INPP4B: variants seen among roughly 807,000 people sequenced by gnomAD.
INPP4B encodes inositol polyphosphate-4-phosphatase type II B.
INPP4B carries 55 observed loss-of-function variants against 122.5 expected under a neutral mutation model. The observed-to-expected ratio is 0.45, with a 90% CI of 0.36 to 0.56. The LOEUF is 0.56. Among genes scored for constraint, INPP4B ranks in the 20% least tolerant of loss-of-function variants. The pLI is 0.00. For missense variants in INPP4B, 1,000 were observed against 1,097.7 expected, an observed-to-expected ratio of 0.91 and a Z score of 1.26; for synonymous variants, 403 against 388.7, an observed-to-expected ratio of 1.04 and a Z score of -0.43.
At chr4:142,334,539 C>T (rs544558528) in intron 7 of INPP4B, among the ~76,000 whole-genome samples, 1 of 152,292 alleles carries the variant, frequency 6.6e-6, no homozygotes, top group African/African-American at 2.4e-5. Context: ...TACTGTTTTC[C>T]ATATTGGCTG....
chr4:142,716,138 G>C (rs1343951128), intron 2 of INPP4B, among the ~76,000 whole-genome samples: 1 of 152,176 alleles, frequency 6.6e-6, no homozygotes, highest in Non-Finnish European at 1.5e-5. Context: ...TCAGGTTCAA[G>C]GGAGGGGAAA....
intron 21 of INPP4B, among the ~76,000 whole-genome samples, chr4:142,119,104 T>C (rs1333081663): frequency 6.6e-6 from 1 of 152,144 alleles, no homozygotes; most frequent in Non-Finnish European, 1.5e-5. Flanking sequence ...AGATACCATC[T>C]CAAGCCAGTT....
Position 142,483,792 on chromosome 4 carries a change from C to T in INPP4B, c.-190-21066G>A, listed in dbSNP as rs1303631589. Among the ~76,000 whole-genome samples, 5 of 152,030 alleles carry T rather than the reference C, an allele frequency of 3.3e-5. No individual in the cohort carries two copies. The East Asian group carries it at 9.7e-4, about 29-fold the overall frequency. On this transcript the variant is annotated intron_variant, in intron 2 of 25. Coordinates refer to ENST00000262992, the MANE Select transcript of INPP4B (RefSeq NM_001101669.3). ...GAGTGAGTACTGAAAGTTATTGTTA[C>T]TTGGATATTAAAGGAAAATGTGATA...
At chr4:142,624,093 A>ATT (rs2150386237) in intron 2 of INPP4B, among the ~76,000 whole-genome samples, 1 of 151,224 alleles carries the variant, frequency 6.6e-6, no homozygotes, top group African/African-American at 2.4e-5. Flanking sequence ...CAGTAATGGG[A>ATT]TGGCTGGGTC....
At chr4:142,441,873 A>G (rs1562107980) in intron 3 of INPP4B, among the ~76,000 whole-genome samples, 1 of 150,120 alleles carries the variant, frequency 6.7e-6, no homozygotes, top group African/African-American at 2.5e-5. Flanking sequence ...CTGAAGTAAC[A>G]TGGCCAGAAA....
At chr4:142,330,117 T>C (rs1773889287) in intron 7 of INPP4B, among the ~76,000 whole-genome samples, 1 of 152,322 alleles carries the variant, frequency 6.6e-6, no homozygotes, top group South Asian at 2.1e-4. Context: ...CAGCAGTATA[T>C]AGAAAATATC....
chr4:142,473,987 C>T (rs1346552993), intron 2 of INPP4B, among the ~76,000 whole-genome samples: 1 of 152,156 alleles, frequency 6.6e-6, no homozygotes, highest in African/African-American at 2.4e-5. Flanking sequence ...TGTGTGTACT[C>T]AGCCTTAAGG....
chr4:142,536,815 C>T (rs187986484), intron 2 of INPP4B, among the ~76,000 whole-genome samples: 10 of 152,170 alleles, frequency 6.6e-5, no homozygotes, highest in Middle Eastern at 3.4e-3. Flanking sequence ...TTTTTCGAGA[C>T]GGAGTCTTAC....
At chr4:142,628,557 T>TAAA (rs35955830) in intron 2 of INPP4B, among the ~76,000 whole-genome samples, 12 of 99,894 alleles carry the variant, frequency 1.2e-4, no homozygotes, top group Admixed American at 2.2e-4. Context: ...AAACTTAAAG[T>TAAA]AAAAAAAAAA....
intron 3 of INPP4B, among the ~76,000 whole-genome samples, chr4:142,442,609 C>T (rs114031157): frequency 1.4e-4 from 21 of 152,196 alleles, no homozygotes; most frequent in African/African-American, 5.1e-4. Flanking sequence ...GAATGACTCC[C>T]ACCCTAACTT....
At chr4:142,557,360 G>T (rs1011238672) in intron 2 of INPP4B, among the ~76,000 whole-genome samples, 3 of 152,154 alleles carry the variant, frequency 2.0e-5, no homozygotes, top group African/African-American at 4.8e-5. Flanking sequence ...TTCTATGAAA[G>T]TCAGACTCAC....
At chr4:142,601,274 A>G (rs1213210283) in intron 2 of INPP4B, among the ~76,000 whole-genome samples, 1 of 152,184 alleles carries the variant, frequency 6.6e-6, no homozygotes, top group Non-Finnish European at 1.5e-5. Context: ...AGCACATGGA[A>G]CATTCTCCAG....
At chr4:142,347,548 G>A (rs1296565744) in intron 7 of INPP4B, 1 of 433,092 alleles carries the variant, frequency 2.3e-6, no homozygotes, top group South Asian at 1.7e-5. Flanking sequence ...TTAATCTGTT[G>A]ATCCTGAACT....
At chr4:142,217,586 G>C (rs1189543788) in intron 12 of INPP4B, among the ~76,000 whole-genome samples, 1 of 152,042 alleles carries the variant, frequency 6.6e-6, no homozygotes, top group Non-Finnish European at 1.5e-5. Context: ...TCTTCCTTAG[G>C]GATAAAGATT....
At chr4:142,303,771 A>G (rs1762367571) in intron 9 of INPP4B, among the ~76,000 whole-genome samples, 1 of 152,142 alleles carries the variant, frequency 6.6e-6, no homozygotes, top group African/African-American at 2.4e-5. Context: ...AGATCAAATG[A>G]CTAGGAATCA....
intron 1 of INPP4B, among the ~76,000 whole-genome samples, chr4:142,808,720 T>C (rs1169960615): frequency 6.6e-6 from 1 of 152,126 alleles, no homozygotes; most frequent in Admixed American, 6.5e-5. Flanking sequence ...ACTATAGAAA[T>C]TGCCACATAA....
chr4:142,534,723 C>A (rs1419586149), intron 2 of INPP4B, among the ~76,000 whole-genome samples: 1 of 150,960 alleles, frequency 6.6e-6, no homozygotes, highest in Non-Finnish European at 1.5e-5. Context: ...ACTAATGATG[C>A]AAAGTTTGGA....
In INPP4B at chr4:142,097,225, TTTTTA is replaced by T. The variant is rs376210499; in HGVS notation, c.2374+10863_2374+10867del. Among the ~76,000 whole-genome samples the T allele has an allele frequency of 1.5e-4, 21 of 135,556 alleles. 1 individual carries two copies. Among genetic ancestry groups the T allele is most frequent in the African/African-American group, 5.4e-4 (19 of 35,290 alleles). 88.9% of individuals were successfully genotyped at this position (135,556 alleles called of 152,430 possible). A position where few individuals can be genotyped will look rare whatever the true frequency, so the allele number is the denominator to read the frequency against. ...TCCATTTTTTGTTTATTTTATGTTA[TTTTTA>T]TTTTATTTTATTTTATTTTATTTTA... On this transcript the variant is annotated intron_variant, in intron 23 of 25. Transcript: ENST00000262992.
chr4:142,274,815 A>C (rs946490336), intron 9 of INPP4B, among the ~76,000 whole-genome samples: 2 of 151,868 alleles, frequency 1.3e-5, no homozygotes, highest in East Asian at 1.9e-4. Flanking sequence ...GTGTATTGCC[A>C]GGTCATTACC....
Sources: gnomAD v4.1 joint callset for allele counts (sites outside exome capture counted in the v4.1 genomes callset) on GRCh38, gnomAD v4.1.1 for gene constraint, MANE v1.5 for transcripts, NCBI Gene and HGNC (gene_info 2026-07-23, HGNC 2026-07-21) for gene names.